ABCA13: variants seen among roughly 807,000 people sequenced by gnomAD.
ABCA13 encodes the protein ATP-binding cassette sub-family A member 13.
Under a neutral mutation model 478.7 loss-of-function variants are expected in ABCA13, and 476 were observed. The observed-to-expected ratio is 0.99, with a 90% CI of 0.92 to 1.07. The LOEUF is 1.07. Among genes scored for constraint, ABCA13 ranks in the 50% least tolerant of loss-of-function variants. The pLI is 0.00. For missense variants in ABCA13, 6,060 were observed against 5,910.6 expected (o/e 1.03, Z -0.83); for synonymous variants, 2,252 against 2,158.9 (o/e 1.04, Z -1.20).
At chr7:48,378,712 C>G (rs1164739535) in intron 35 of ABCA13, among the ~76,000 whole-genome samples, 1 of 152,216 alleles carries the variant, frequency 6.6e-6, no homozygotes, top group East Asian at 1.9e-4. Flanking sequence ...AGAATCAGCT[C>G]TTACCCTGCC....
intron 7 of ABCA13, 64 bp from the exon 8 acceptor site, chr7:48,233,951 TGGA>T: frequency 1.3e-6 from 2 of 1,561,956 alleles, no homozygotes; most frequent in Admixed American, 3.7e-5. Flanking sequence ...ATTTTTTTTC[TGGA>T]TTACATTAAA....
chr7:48,512,095 C>G (rs1463719764), intron 51 of ABCA13, among the ~76,000 whole-genome samples: 1 of 151,084 alleles, frequency 6.6e-6, no homozygotes, highest in Non-Finnish European at 1.5e-5. Flanking sequence ...GAGAGATTAA[C>G]AGAGAGAGGG....
At chr7:48,543,443 G>A (rs973445089) in intron 55 of ABCA13, among the ~76,000 whole-genome samples, 1 of 151,562 alleles carries the variant, frequency 6.6e-6, no homozygotes, top group African/African-American at 2.4e-5. Context: ...GGCCAGCATG[G>A]TGAAATCCTG....
rs147154679 is a variant in ABCA13, at chr7:48,600,676, C to T, written c.14744+5863C>T. Among the ~76,000 whole-genome samples, 77 of 152,060 alleles carry T rather than the reference C, an allele frequency of 5.1e-4. 1 individual carries two copies. The highest frequency in any genetic ancestry group is 1.8e-3 in the African/African-American group (73 of 41,506). On this transcript the variant is annotated intron_variant, in intron 58 of 61. Coordinates refer to ENST00000435803, the MANE Select transcript of ABCA13 (RefSeq NM_152701.5). ...TGCCCTAATATGGCTCTATTTCCTC[C>T]CTTTTTCTTTGTGCTATTATTACCA...
chr7:48,419,409 T>C (rs546070600), intron 41 of ABCA13, among the ~76,000 whole-genome samples: 3 of 152,370 alleles, frequency 2.0e-5, no homozygotes, highest in Non-Finnish European at 2.9e-5. Flanking sequence ...TATATTTATG[T>C]ACTTCATATG....
intron 41 of ABCA13, among the ~76,000 whole-genome samples, chr7:48,415,097 AC>A (rs1174834974): frequency 2.6e-5 from 4 of 152,182 alleles, no homozygotes; most frequent in African/African-American, 9.7e-5. Flanking sequence ...CGTGCTGCTA[AC>A]TAAAGCACCA....
At chr7:48,546,472 T>G (rs1205597345) in intron 55 of ABCA13, among the ~76,000 whole-genome samples, 1 of 151,756 alleles carries the variant, frequency 6.6e-6, no homozygotes, top group Non-Finnish European at 1.5e-5. Flanking sequence ...TTAAGTTTTA[T>G]TTTTTCTTAA....
intron 41 of ABCA13, 54 bp downstream of exon 41, chr7:48,412,637 A>G (rs1488854479): frequency 6.9e-7 from 1 of 1,438,984 alleles, no homozygotes; most frequent in Non-Finnish European, 9.4e-7. Context: ...TGACCAGTCC[A>G]CATTAAATGA....
chr7:48,278,996 T>C lies in ABCA13; in HGVS notation c.7802T>C (p.Met2601Thr), dbSNP rs370715921. ...LVPFLDLAFEMIGVEPYISSN... is the reference protein window; with the variant it reads ...LVPFLDLAFETIGVEPYISSN... Reference sequence around the variant, plus strand: ...CCATTTCTTGACTTGGCCTTTGAAATGATTGGGGTAGAACCTTATATATCA... The same window carrying C: ...CCATTTCTTGACTTGGCCTTTGAAACGATTGGGGTAGAACCTTATATATCA... The change falls in exon 18 of 62, where the codon ATG becomes ACG. Residue 2601 changes from methionine (M) to threonine (T), a missense_variant. Transcript: ENST00000435803. The C allele has an allele frequency of 2.5e-5, 41 of 1,613,316 alleles. No individual in the cohort carries two copies. The African/African-American group carries it at 4.5e-4, about 18-fold the overall frequency.
At chr7:48,404,993 T>A (rs1818075960) in intron 39 of ABCA13, among the ~76,000 whole-genome samples, 2 of 152,242 alleles carry the variant, frequency 1.3e-5, no homozygotes, top group African/African-American at 4.8e-5. Flanking sequence ...GCAGGCCACA[T>A]CTGCGGTGCT....
At chr7:48,441,160 A>G (rs1182128199) in intron 42 of ABCA13, among the ~76,000 whole-genome samples, 1 of 152,178 alleles carries the variant, frequency 6.6e-6, no homozygotes, top group African/African-American at 2.4e-5. Flanking sequence ...ACCTAAGTCC[A>G]GTTTATGTTA....
intron 3 of ABCA13, among the ~76,000 whole-genome samples, chr7:48,217,716 G>T (rs1466924033): frequency 6.6e-6 from 1 of 152,180 alleles, no homozygotes; most frequent in Admixed American, 6.5e-5. Context: ...AGAATTGCAA[G>T]GATGTCTCTA....
At chr7:48,544,992 A>C (rs1784691735) in intron 55 of ABCA13, among the ~76,000 whole-genome samples, 1 of 151,978 alleles carries the variant, frequency 6.6e-6, no homozygotes, top group Non-Finnish European at 1.5e-5. Context: ...ATCCCCACAC[A>C]TTTGGTCACA....
Position 48,279,747 on chromosome 7 carries a change from T to A in ABCA13, c.8553T>A (p.Ile2851=). 1 of 1,612,860 alleles carries A rather than the reference T, an allele frequency of 6.2e-7. No homozygotes were observed. The highest frequency in any genetic ancestry group is 1.1e-5 in the South Asian group (1 of 90,670). The change falls in exon 18 of 62, where the codon ATT becomes ATA. Residue 2851 remains isoleucine (I), a synonymous_variant. Coordinates refer to ENST00000435803, the MANE Select transcript of ABCA13 (RefSeq NM_152701.5). ...TRTLFQPLFE[I]FIKATTGKNV... ...CTTTGTTTCAGCCACTTTTTGAGAT[T>A]TTCATTAAAGCAACCACCGGAAAGA... is the stretch of plus-strand genomic sequence containing the variant.
Position 48,248,293 on chromosome 7 carries a change from C to T in ABCA13, c.1714C>T (p.Pro572Ser). Residue 572 changes from proline to serine, a missense_variant, in exon 14 of 62, where the codon CCT (proline) becomes TCT (serine). Coordinates refer to ENST00000435803, the MANE Select transcript of ABCA13 (RefSeq NM_152701.5). ...TWHKNMSVLI[P>S]EEYLDWQELE... ...GCACAAAAATATGTCAGTTTTAATA[C>T]CTGAAGAATATTTGGACTGGCAGGA... 1 of 1,613,734 alleles carries T rather than the reference C, an allele frequency of 6.2e-7. No individual in the cohort carries two copies. The highest frequency in any genetic ancestry group is 8.5e-7 in the Non-Finnish European group (1 of 1,179,756).
intron 13 of ABCA13, among the ~76,000 whole-genome samples, 170 bp downstream of exon 13, chr7:48,246,200 C>T (rs181331998): frequency 6.6e-6 from 1 of 152,294 alleles, no homozygotes. Flanking sequence ...GCTGGCCTTT[C>T]TGTCTGACTG....
At chr7:48,400,047 T>C (rs899783597) in intron 38 of ABCA13, among the ~76,000 whole-genome samples, 21 of 96,502 alleles carry the variant, frequency 2.2e-4, no homozygotes, top group African/African-American at 7.1e-4. Context: ...CTTTCCTCTT[T>C]TTTTTTTTTT....
At position 48,279,611 on chromosome 7, in the gene ABCA13, A is replaced by C; in HGVS notation, c.8417A>C (p.Asn2806Thr). 1 of 1,612,962 alleles carries C rather than the reference A, an allele frequency of 6.2e-7. No individual in the cohort carries two copies. ...SLYFDTPLSQ[N>T]ITHHQLEKAI... ...TATTTTGACACACCTTTGAGTCAGA[A>C]TATAACTCATCATCAACTTGAAAAA... The change falls in exon 18 of 62, where the codon AAT becomes ACT. Residue 2806 changes from asparagine (N) to threonine (T), a missense_variant. By Grantham distance (65) the Asn-to-Thr change is moderately conservative (BLOSUM62 0). Around this residue, in one of 3 missense-constraint regions of ABCA13, gnomAD observed 4,423 missense variants for 4,309.1 expected, o/e 1.03. Coordinates refer to ENST00000435803, the MANE Select transcript of ABCA13 (RefSeq NM_152701.5).
At chr7:48,447,468 T>G (rs1242147474) in intron 42 of ABCA13, among the ~76,000 whole-genome samples, 1 of 152,226 alleles carries the variant, frequency 6.6e-6, no homozygotes, top group East Asian at 1.9e-4. Context: ...ATCATGACTT[T>G]ACTTTGTTAA....
Sources: allele counts gnomAD v4.1 joint callset (sites outside exome capture counted in the v4.1 genomes callset), GRCh38; gene constraint gnomAD v4.1.1; regional missense constraint gnomAD v4.1.1; transcripts MANE v1.5; gene names NCBI Gene and HGNC (gene_info 2026-07-23, HGNC 2026-07-21).